The following GPC6 variants were observed in gnomAD, a reference collection of about 807,000 sequenced individuals.
GPC6 encodes glypican-6.
Under a neutral mutation model 55.2 loss-of-function variants are expected in GPC6, and 14 were observed. The ratio of observed to expected loss-of-function variants is 0.25; its 90% CI spans 0.17 to 0.40. The LOEUF is 0.40. Ranked by LOEUF, GPC6 falls within the 10% of genes least tolerant of loss-of-function variation. The pLI is 1.00. For synonymous variants in GPC6, 278 were observed against 259.6 expected (o/e 1.07, Z -0.68); for missense variants, 641 against 708.5 (o/e 0.90, Z 1.08).
At chr13:94,335,865 T>A (rs1352530679) in intron 6 of GPC6, among the ~76,000 whole-genome samples, 1 of 151,978 alleles carries the variant, frequency 6.6e-6, no homozygotes, top group African/African-American at 2.4e-5. Context: ...TCTTCCTGTC[T>A]TACTGAAAGA....
In GPC6 at chr13:93,496,502, C is replaced by T. The variant is rs547610642; in HGVS notation, c.161-48761C>T. 2.0e-3 allele frequency among the ~76,000 whole-genome samples: 312 copies of T among 152,274 alleles called. 1 individual carries two copies. Among genetic ancestry groups the T allele is most frequent in the African/African-American group, 6.3e-3 (261 of 41,552 alleles). On this transcript the variant is annotated intron_variant, in intron 1 of 8. Coordinates refer to ENST00000377047, the MANE Select transcript of GPC6 (RefSeq NM_005708.5). Reference sequence around the variant, plus strand: ...GTCGCTCATGCTGGGAGCTGTAGACCGGAGCTGTTCCTATTCGGCCATCTT... The same window carrying T: ...GTCGCTCATGCTGGGAGCTGTAGACTGGAGCTGTTCCTATTCGGCCATCTT...
At chr13:94,174,672 T>C (rs1203982649) in intron 4 of GPC6, among the ~76,000 whole-genome samples, 2 of 152,154 alleles carry the variant, frequency 1.3e-5, no homozygotes, top group African/African-American at 4.8e-5. Context: ...CATCAAGCAC[T>C]ATAATGTCCT....
intron 1 of GPC6, among the ~76,000 whole-genome samples, chr13:93,498,930 G>A (rs979016550): frequency 4.6e-5 from 7 of 152,136 alleles, no homozygotes; most frequent in Admixed American, 2.0e-4. Flanking sequence ...ATAATAGAAT[G>A]CAGGGTAGAG....
intron 2 of GPC6, among the ~76,000 whole-genome samples, chr13:93,640,113 T>A (rs1244249997): frequency 6.6e-6 from 1 of 152,144 alleles, no homozygotes; most frequent in Non-Finnish European, 1.5e-5. Context: ...AACTTCTTTA[T>A]GTTTTCTTTG....
chr13:94,056,427 C>A (rs1331915171), intron 4 of GPC6, among the ~76,000 whole-genome samples: 1 of 152,120 alleles, frequency 6.6e-6, no homozygotes, highest in Non-Finnish European at 1.5e-5. Context: ...ATTATGCAAG[C>A]AAATTCAATA....
chr13:93,241,979 A>C (rs1044857515), intron 1 of GPC6, among the ~76,000 whole-genome samples: 4 of 152,104 alleles, frequency 2.6e-5, no homozygotes, highest in Non-Finnish European at 5.9e-5. Context: ...TCGTGCTTTT[A>C]GTAGCAATGT....
chr13:93,935,633 T>C (rs1878397583), intron 3 of GPC6, among the ~76,000 whole-genome samples: 1 of 152,182 alleles, frequency 6.6e-6, no homozygotes, highest in South Asian at 2.1e-4. Flanking sequence ...TAAAATTACA[T>C]ACGCAATTCA....
intron 1 of GPC6, among the ~76,000 whole-genome samples, chr13:93,372,502 T>G (rs573063219): frequency 6.6e-6 from 1 of 152,290 alleles, no homozygotes; most frequent in Non-Finnish European, 1.5e-5. Flanking sequence ...TCTAACCTCT[T>G]TGTACCTCAC....
intron 4 of GPC6, among the ~76,000 whole-genome samples, chr13:94,134,706 T>C (rs1345560893): frequency 6.6e-6 from 1 of 152,156 alleles, no homozygotes. Flanking sequence ...ACCTAAGTAT[T>C]GCATTTTTTC....
chr13:93,568,972 G>A (rs1876269371), intron 2 of GPC6, among the ~76,000 whole-genome samples: 2 of 152,114 alleles, frequency 1.3e-5, no homozygotes, highest in Admixed American at 6.6e-5. Flanking sequence ...GATAGGGAAA[G>A]GAACTTGTAT....
At chr13:94,375,212 A>G (rs1349690633) in intron 6 of GPC6, among the ~76,000 whole-genome samples, 1 of 152,120 alleles carries the variant, frequency 6.6e-6, no homozygotes, top group Non-Finnish European at 1.5e-5. Context: ...AACTAAAATC[A>G]GAGCAGAACT....
chr13:93,591,526 G>A (rs1048503755), intron 2 of GPC6, among the ~76,000 whole-genome samples: 1 of 151,308 alleles, frequency 6.6e-6, no homozygotes, highest in Non-Finnish European at 1.5e-5. Context: ...AGGATAAAAT[G>A]TGTAACTTTT....
chr13:93,932,708 C>T (rs894876443), intron 3 of GPC6, among the ~76,000 whole-genome samples: 5 of 152,042 alleles, frequency 3.3e-5, no homozygotes, highest in African/African-American at 1.2e-4. Flanking sequence ...GCTCTGGGAC[C>T]GTGAGCCCAG....
chr13:94,320,097 T>C (rs1876737456), intron 6 of GPC6, among the ~76,000 whole-genome samples: 1 of 152,234 alleles, frequency 6.6e-6, no homozygotes, highest in Non-Finnish European at 1.5e-5. Flanking sequence ...CTGGTAATAA[T>C]GTATTTACTT....
intron 4 of GPC6, among the ~76,000 whole-genome samples, chr13:94,111,648 T>C (rs948762949): frequency 3.9e-5 from 6 of 152,110 alleles, no homozygotes; most frequent in Non-Finnish European, 7.4e-5. Context: ...TTCTTCCTTA[T>C]GTACTTTGTA....
chr13:93,799,199 T>C (rs773343793), intron 2 of GPC6, among the ~76,000 whole-genome samples: 1 of 152,112 alleles, frequency 6.6e-6, no homozygotes, highest in Non-Finnish European at 1.5e-5. Context: ...TCTTGAAGTT[T>C]AGTAGGTTTA....
At chr13:93,397,146 A>C (rs1345945674) in intron 1 of GPC6, among the ~76,000 whole-genome samples, 4 of 152,134 alleles carry the variant, frequency 2.6e-5, no homozygotes, top group African/African-American at 9.7e-5. Context: ...CAAATTATAT[A>C]ATTATTTTAA....
At chr13:94,040,310 A>G (rs1287786923) in intron 4 of GPC6, among the ~76,000 whole-genome samples, 1 of 151,830 alleles carries the variant, frequency 6.6e-6, no homozygotes, top group Non-Finnish European at 1.5e-5. Flanking sequence ...CAACGAAAAC[A>G]CAATATGTAA....
At chr13:93,731,743 G>A (rs1883829060) in intron 2 of GPC6, among the ~76,000 whole-genome samples, 1 of 152,016 alleles carries the variant, frequency 6.6e-6, no homozygotes, top group South Asian at 2.1e-4. Flanking sequence ...TACAAATATG[G>A]AATATTCACA....
Sources: allele counts gnomAD v4.1 joint callset (sites outside exome capture counted in the v4.1 genomes callset), GRCh38; gene constraint gnomAD v4.1.1; transcripts MANE v1.5; gene names NCBI Gene and HGNC (gene_info 2026-07-23, HGNC 2026-07-21).